The following EPS8 variants were observed in gnomAD, a reference collection of about 807,000 sequenced individuals.
EPS8 encodes the protein EGFR pathway substrate 8, signaling adaptor.
Under a neutral mutation model 103.8 loss-of-function variants are expected in EPS8, and 42 were observed. The ratio of observed to expected loss-of-function variants is 0.40; its 90% CI spans 0.32 to 0.52. The LOEUF (loss-of-function observed/expected upper bound fraction) is 0.52. Ranked by LOEUF, EPS8 falls within the 20% of genes least tolerant of loss-of-function variation. The pLI, the probability that EPS8 is intolerant of heterozygous loss-of-function variation, is 0.40. For missense variants in EPS8, 969 were observed against 1,005.1 expected (o/e 0.96, Z 0.49); for synonymous variants, 344 against 344.6 (o/e 1.00, Z 0.02).
intron 1 of EPS8, among the ~76,000 whole-genome samples, chr12:15,742,691 G>T (rs941820453): frequency 6.6e-6 from 1 of 152,092 alleles, no homozygotes; most frequent in African/African-American, 2.4e-5. Flanking sequence ...TGCAGAAAAG[G>T]CCTTTGACAA....
Position 15,631,670 on chromosome 12 carries a change from A to G in EPS8, c.1822-6T>C. 1 of 1,598,296 alleles carries G rather than the reference A, an allele frequency of 6.3e-7. No individual in the cohort carries two copies. Among genetic ancestry groups the G allele is most frequent in the East Asian group, 2.2e-5 (1 of 44,544 alleles). On this transcript the variant is annotated splice_polypyrimidine_tract_variant and splice_region_variant and intron_variant, in intron 17 of 20. Coordinates refer to ENST00000281172, the MANE Select transcript of EPS8 (RefSeq NM_004447.6). ...CCATACTCCATCCTTTGTTTCTATA[A>G]AAAGACAAATAATTAACTTAAAATT...
intron 1 of EPS8, among the ~76,000 whole-genome samples, chr12:15,687,739 C>A (rs1946115108): frequency 6.6e-6 from 1 of 152,170 alleles, no homozygotes; most frequent in Admixed American, 6.5e-5. Context: ...TATTTCCCTC[C>A]AGTTCTTGTC....
intron 15 of EPS8, among the ~76,000 whole-genome samples, chr12:15,644,677 G>A (rs1311931265): frequency 5.6e-5 from 8 of 143,626 alleles, no homozygotes; most frequent in Non-Finnish European, 9.0e-5. Flanking sequence ...CAGCCTGGGC[G>A]ACAGAGCAAG....
At chr12:15,768,901 T>C (rs1038557035) in intron 1 of EPS8, among the ~76,000 whole-genome samples, 15 of 152,214 alleles carry the variant, frequency 9.9e-5, no homozygotes, top group Admixed American at 4.6e-4. Context: ...CAAAACCATT[T>C]CTTATATATT....
chr12:15,782,869 G>A (rs1947274282), intron 1 of EPS8, among the ~76,000 whole-genome samples: 1 of 152,150 alleles, frequency 6.6e-6, no homozygotes, highest in African/African-American at 2.4e-5. Flanking sequence ...TAACCGCTTA[G>A]TCCACTGTGT....
Position 15,733,863 on chromosome 12 carries a change from A to G in EPS8, c.-21-50891T>C, listed in dbSNP as rs1946741931. Among the ~76,000 whole-genome samples the G allele has an allele frequency of 6.6e-6, 1 of 152,112 alleles. No individual in the cohort carries two copies. The highest frequency in any genetic ancestry group is 1.5e-5 in the Non-Finnish European group (1 of 67,988). On this transcript the variant is annotated intron_variant, in intron 1 of 20. Coordinates refer to ENST00000281172, the MANE Select transcript of EPS8 (RefSeq NM_004447.6). This position sits in a 1 kb window ranked among gnomAD's most constrained non-coding sequence, Gnocchi z 4.8. ...GGTTTTTAATGGAAAATACATTTTT[A>G]TTTTTATTTTCTTGAAAAAGGGTCT...
intron 1 of EPS8, among the ~76,000 whole-genome samples, chr12:15,750,244 C>T (rs886230638): frequency 1.3e-5 from 2 of 152,182 alleles, no homozygotes; most frequent in Non-Finnish European, 2.9e-5. Context: ...CTTGGCTTTA[C>T]ACTACATCCT....
At chr12:15,741,299 C>T (rs1191247454) in intron 1 of EPS8, among the ~76,000 whole-genome samples, 1 of 152,192 alleles carries the variant, frequency 6.6e-6, no homozygotes, top group Non-Finnish European at 1.5e-5. Context: ...CACCCCCCTC[C>T]ACTAGGGACA....
intron 1 of EPS8, among the ~76,000 whole-genome samples, chr12:15,773,730 T>C (rs368316832): frequency 7.2e-5 from 11 of 152,156 alleles, no homozygotes; most frequent in African/African-American, 2.4e-4. Context: ...TGACAGCATA[T>C]GACATGAATC....
intron 10 of EPS8, among the ~76,000 whole-genome samples, chr12:15,659,104 A>G (rs1387247429): frequency 6.6e-6 from 1 of 152,122 alleles, no homozygotes; most frequent in Non-Finnish European, 1.5e-5. Context: ...AAAAACAAGG[A>G]AAGGGGGAAT....
chr12:15,668,605 CTGT>C (rs751013240), intron 6 of EPS8, among the ~76,000 whole-genome samples: 6 of 152,250 alleles, frequency 3.9e-5, no homozygotes, highest in Non-Finnish European at 8.8e-5. Context: ...AGGATATAGC[CTGT>C]TATTACTGGC....
rs971907576 is a variant in EPS8, at chr12:15,658,060, T to G, written c.1101+19A>C. On this transcript the variant is annotated intron_variant, in intron 12 of 20. Coordinates refer to ENST00000281172, the MANE Select transcript of EPS8 (RefSeq NM_004447.6). ...AAATATACTAAGAACGATTCTTTCT[T>G]AAACTAATAAAATCTCACCATATTT... The G allele has an allele frequency of 1.4e-6, 2 of 1,470,252 alleles. No homozygotes were observed. The highest frequency in any genetic ancestry group is 2.8e-5 in the African/African-American group (2 of 72,088). 91.1% of individuals were successfully genotyped at this position (1,470,252 alleles called of 1,614,324 possible). A position where few individuals can be genotyped will look rare whatever the true frequency, so the allele number is the denominator to read the frequency against.
intron 14 of EPS8, 56 bp from the exon 15 acceptor site, chr12:15,647,316 C>T: frequency 6.6e-7 from 1 of 1,504,598 alleles, no homozygotes; most frequent in South Asian, 1.3e-5. Flanking sequence ...TGAATCAGCA[C>T]TCAGGTCAGT....
intron 1 of EPS8, among the ~76,000 whole-genome samples, chr12:15,741,451 T>C (rs1488260471): frequency 6.6e-6 from 1 of 152,156 alleles, no homozygotes; most frequent in African/African-American, 2.4e-5. Context: ...CATTTGTAGG[T>C]TGACCATCTG....
chr12:15,714,348 G>A lies in EPS8; in HGVS notation c.-21-31376C>T, dbSNP rs1345413682. ...TAAAACCAAATTATATTTGAATAAA[G>A]ATATGGCACAGGCTGGGTACAGTGG... On this transcript the variant is annotated intron_variant, in intron 1 of 20. Transcript: ENST00000281172. The surrounding 1 kb of genome is among the most constrained non-coding windows in gnomAD (Gnocchi z 4.1). Among the ~76,000 whole-genome samples the A allele has an allele frequency of 6.6e-6, 1 of 152,142 alleles. No individual in the cohort carries two copies. The highest frequency in any genetic ancestry group is 1.5e-5 in the Non-Finnish European group (1 of 68,016).
chr12:15,655,598 C>T (rs977436944), intron 12 of EPS8, among the ~76,000 whole-genome samples: 28 of 152,092 alleles, frequency 1.8e-4, no homozygotes, highest in East Asian at 5.8e-4. Flanking sequence ...CTTCCAACCT[C>T]GAACGCATTT....
At position 15,666,177 on chromosome 12, in the gene EPS8, C is replaced by A. The variant is rs534508617; in HGVS notation, c.599+263G>T. Among the ~76,000 whole-genome samples, 64 of 152,270 alleles carry A rather than the reference C, an allele frequency of 4.2e-4. 1 individual carries two copies. The highest frequency in any genetic ancestry group is 1.5e-3 in the African/African-American group (62 of 41,544). ...GTCTAGCTTGTATTTCCCTAGGATA[C>A]CTTCTCTTAAAATGCCACTCATCTT... is the stretch of plus-strand genomic sequence containing the variant. On this transcript the variant is annotated intron_variant, in intron 7 of 20. Transcript: ENST00000281172.
chr12:15,703,031 C>G (rs754041958), intron 1 of EPS8, among the ~76,000 whole-genome samples: 2 of 152,160 alleles, frequency 1.3e-5, no homozygotes, highest in East Asian at 1.9e-4. Context: ...TGCCTGTAGT[C>G]CCAGCTACTC....
At chr12:15,770,288 CAAAA>C (rs367721789) in intron 1 of EPS8, among the ~76,000 whole-genome samples, 1 of 119,850 alleles carries the variant, frequency 8.3e-6, no homozygotes, top group African/African-American at 3.3e-5. Flanking sequence ...GACCCTGTCT[CAAAA>C]AAAAAAAAAA....
Sources: gnomAD v4.1 joint callset for allele counts (sites outside exome capture counted in the v4.1 genomes callset) on GRCh38, gnomAD v4.1.1 for gene constraint, Gnocchi (gnomAD v3.1) non-coding constraint, MANE v1.5 for transcripts, NCBI Gene and HGNC (gene_info 2026-07-23, HGNC 2026-07-21) for gene names.